Variants in TSPEAR observed in about 807,000 individuals in gnomAD.
The protein encoded by TSPEAR is thrombospondin-type laminin G domain and EAR repeat-containing protein.
In TSPEAR, 69 loss-of-function variants were observed where a neutral mutation model predicts 71.6. The observed-to-expected ratio is 0.96, with a 90% CI of 0.79 to 1.18. The LOEUF (loss-of-function observed/expected upper bound fraction) is 1.18, where lower values mean the gene tolerates loss of function less well. TSPEAR is among the 50% of genes most tolerant of loss of function. TSPEAR has a pLI of 0.00. For synonymous variants in TSPEAR, 402 were observed against 387.2 expected (o/e 1.04, Z -0.45); for missense variants, 971 against 894.9 (o/e 1.09, Z -1.09).
At chr21:44,503,321 G>A (rs1319290034) in intron 11 of TSPEAR, among the ~76,000 whole-genome samples, 1 of 146,850 alleles carries the variant, frequency 6.8e-6, no homozygotes, top group Non-Finnish European at 1.5e-5. Context: ...GGAGGAGGCC[G>A]GCCTTGGTGA....
intron 1 of TSPEAR, among the ~76,000 whole-genome samples, chr21:44,654,939 T>C (rs587745099): frequency 2.0e-5 from 3 of 152,220 alleles, no homozygotes; most frequent in Admixed American, 6.5e-5. Context: ...GGTCCCCCCG[T>C]TGTAAATGCC....
intron 1 of TSPEAR, among the ~76,000 whole-genome samples, chr21:44,706,190 G>A (rs1360734492): frequency 2.6e-5 from 4 of 152,318 alleles, no homozygotes; most frequent in South Asian, 2.1e-4. Context: ...AACTGGCAGC[G>A]CCTCCCCTGC....
Position 44,546,447 on chromosome 21 carries a change from G to A in TSPEAR, c.304-12524C>T, listed in dbSNP as rs2053305592. On this transcript the variant is annotated intron_variant, in intron 2 of 11. Transcript: ENST00000323084. The surrounding 1 kb of genome is among the most constrained non-coding windows in gnomAD (Gnocchi z 4.4). ...CCTCCCAGGTTCCCACCATTCTCCT[G>A]CCTCAGCCTCCTGAGTAGCTGGGAC... Among the ~76,000 whole-genome samples the A allele has an allele frequency of 6.6e-6, 1 of 152,162 alleles. No individual in the cohort carries two copies. Among genetic ancestry groups the A allele is most frequent in the South Asian group, 2.1e-4 (1 of 4,830 alleles).
At chr21:44,557,607 G>A (rs1166852581) in intron 2 of TSPEAR, among the ~76,000 whole-genome samples, 6 of 152,160 alleles carry the variant, frequency 3.9e-5, no homozygotes, top group African/African-American at 7.2e-5. Context: ...GCCTGGAGAC[G>A]CTGAGGCTGG....
chr21:44,543,035 T>C (rs2053248070), intron 2 of TSPEAR, among the ~76,000 whole-genome samples: 1 of 152,048 alleles, frequency 6.6e-6, no homozygotes, highest in Non-Finnish European at 1.5e-5. Flanking sequence ...TAGAATTCTA[T>C]ACCTGGGAAG....
chr21:44,682,638 G>A (rs1317690292), intron 1 of TSPEAR, among the ~76,000 whole-genome samples: 4 of 152,240 alleles, frequency 2.6e-5, no homozygotes, highest in Non-Finnish European at 4.4e-5. Context: ...GGAGATGCTC[G>A]TTTTCAGGCA....
At position 44,711,401 on chromosome 21, in the gene TSPEAR, C is replaced by T; in HGVS notation, c.82+32G>A. On this transcript the variant is annotated intron_variant, in intron 1 of 11. Transcript: ENST00000323084. This position sits in a 1 kb window ranked among gnomAD's most constrained non-coding sequence, Gnocchi z 4.5. ...CCCCTCCCAGCTCCCCGGCAAGATA[C>T]CCCCGCCCGAGTTCCCATGCCCCTG... 12 of 1,557,110 alleles carry T rather than the reference C, an allele frequency of 7.7e-6. No homozygotes were observed. Among genetic ancestry groups the T allele is most frequent in the African/African-American group, 2.7e-5 (2 of 73,740 alleles).
At chr21:44,685,750 A>C (rs190360140) in intron 1 of TSPEAR, among the ~76,000 whole-genome samples, 14 of 152,318 alleles carry the variant, frequency 9.2e-5, no homozygotes, top group Non-Finnish European at 1.9e-4. Flanking sequence ...ATAATTTGGC[A>C]CAGTGGTAAT....
intron 8 of TSPEAR, among the ~76,000 whole-genome samples, chr21:44,525,105 A>G (rs2052824559): frequency 6.6e-6 from 1 of 151,550 alleles, no homozygotes; most frequent in African/African-American, 2.4e-5. Flanking sequence ...TCAGGTTGTC[A>G]GTCAGCCAAT....
intron 1 of TSPEAR, among the ~76,000 whole-genome samples, chr21:44,622,885 G>A (rs8127487): frequency 0.012 from 1,889 of 152,218 alleles, 36 homozygotes; most frequent in African/African-American, 0.042. Context: ...TCATGGGAGC[G>A]GATCTCTCAT....
rs1555921963 is a variant in TSPEAR at position 44,567,934 on chromosome 21, G to A, written c.154C>T (p.Gln52Ter). Residue 52 changes from glutamine (Q) to a stop codon, truncating the protein, a stop_gained, in exon 2 of 12, where the codon CAG becomes TAG. Transcript: ENST00000323084. LOFTEE classifies it high-confidence loss of function. Reference sequence around the variant, plus strand: ...TGGAGTCCCCGTGCACCGTGAACCTGAACTATCCTGATCCCGCTTGTGGCG... The same window carrying A: ...TGGAGTCCCCGTGCACCGTGAACCTAAACTATCCTGATCCCGCTTGTGGCG... ...DGATSGIRIV[Q>*]VHGARGLQLS... The A allele has an allele frequency of 6.3e-7, 1 of 1,599,476 alleles. No homozygotes were observed. Among genetic ancestry groups the A allele is most frequent in the African/African-American group, 1.3e-5 (1 of 74,562 alleles).
intron 2 of TSPEAR, among the ~76,000 whole-genome samples, chr21:44,563,573 T>C (rs1257127938): frequency 1.4e-5 from 2 of 140,646 alleles, no homozygotes; most frequent in East Asian, 3.9e-4. Context: ...AGAAAGAATA[T>C]AAGGACAGTG....
chr21:44,667,232 T>C (rs1243308771), intron 1 of TSPEAR, among the ~76,000 whole-genome samples: 1 of 152,156 alleles, frequency 6.6e-6, no homozygotes, highest in Non-Finnish European at 1.5e-5. Context: ...GATCTCCAGA[T>C]TTTTTTCCTC....
At chr21:44,606,182 A>C (rs1383471662) in intron 1 of TSPEAR, among the ~76,000 whole-genome samples, 17 of 150,184 alleles carry the variant, frequency 1.1e-4, no homozygotes, top group Admixed American at 1.1e-3. Flanking sequence ...AAAAAAAAAA[A>C]ACTACATAAA....
At position 44,679,034 on chromosome 21, in the gene TSPEAR, T is replaced by C. The variant is rs186405652; in HGVS notation, c.82+32399A>G. Among the ~76,000 whole-genome samples, 399 of 152,348 alleles carry C rather than the reference T, an allele frequency of 2.6e-3. 1 individual carries two copies. Among genetic ancestry groups the C allele is most frequent in the South Asian group, 7.9e-3 (38 of 4,822 alleles). On this transcript the variant is annotated intron_variant, in intron 1 of 11. Coordinates refer to ENST00000323084, the MANE Select transcript of TSPEAR (RefSeq NM_144991.3). ...CAACCTTGACGTTATCCTACTTCAA[T>C]TGGTCTACAGAGCCCTTCTAAATCA...
chr21:44,697,648 G>A (rs782229303), intron 1 of TSPEAR: 1 of 1,613,136 alleles, frequency 6.2e-7, no homozygotes, highest in African/African-American at 1.3e-5. Context: ...CGTGTCAACA[G>A]TCCTGCTGTG....
At chr21:44,507,536 ACT>A (rs145211623) in intron 10 of TSPEAR, among the ~76,000 whole-genome samples, 2,112 of 152,282 alleles carry the variant, frequency 0.014, 45 homozygotes, top group African/African-American at 0.048. Flanking sequence ...ATTGGTAAGT[ACT>A]TTCTGTGTTT....
At position 44,527,311 on chromosome 21, in the gene TSPEAR, T is replaced by G; in HGVS notation, c.1130A>C (p.His377Pro). Residue 377 changes from histidine to proline, a missense_variant, in exon 7 of 12, where the codon CAT (histidine) becomes CCT (proline). Coordinates refer to ENST00000323084, the MANE Select transcript of TSPEAR (RefSeq NM_144991.3). ...ACTTGCCTTTTTCCCGATGGTGAAA[T>G]GCCTCCAGGCCTGTGCTTGGTGCGT... The part of the protein sequence containing the change: ...IPTHQAQAWR[H>P]FTIGKKIFLA... 6.2e-7 allele frequency: 1 copy of G among 1,614,150 alleles called. No individual in the cohort carries two copies. Among genetic ancestry groups the G allele is most frequent in the Non-Finnish European group, 8.5e-7 (1 of 1,180,030 alleles).
chr21:44,586,568 T>C (rs1203099095), intron 1 of TSPEAR, among the ~76,000 whole-genome samples: 1 of 152,138 alleles, frequency 6.6e-6, no homozygotes, highest in Non-Finnish European at 1.5e-5. Flanking sequence ...CACCAATATA[T>C]AATTTTACAG....
Sources: gnomAD v4.1 joint callset for allele counts (sites outside exome capture counted in the v4.1 genomes callset) on GRCh38, gnomAD v4.1.1 for gene constraint, Gnocchi (gnomAD v3.1) non-coding constraint, MANE v1.5 for transcripts, NCBI Gene and HGNC (gene_info 2026-07-23, HGNC 2026-07-21) for gene names.